The following RARB variants were observed in gnomAD, a reference collection of about 807,000 sequenced individuals.
The protein encoded by RARB is retinoic acid receptor beta.
A neutral mutation model predicts 51.9 loss-of-function variants in RARB; 17 were observed. That is an observed-to-expected ratio of 0.33 (90% CI 0.22 to 0.49). RARB has a LOEUF of 0.49. Ranked by LOEUF, RARB falls within the 20% of genes least tolerant of loss-of-function variation. RARB has a pLI of 0.99. For synonymous variants in RARB, 215 were observed against 195.4 expected, an observed-to-expected ratio of 1.10 and a Z score of -0.84; for missense variants, 369 against 550.8, an observed-to-expected ratio of 0.67 and a Z score of 3.30.
intron 4 of RARB, among the ~76,000 whole-genome samples, chr3:25,134,633 GAA>G (rs1559478885): frequency 6.6e-6 from 1 of 151,868 alleles, no homozygotes; most frequent in Non-Finnish European, 1.5e-5. Flanking sequence ...TTAGTTCCCT[GAA>G]AACTTGATTC....
chr3:25,122,570 G>C (rs967536495), intron 3 of RARB, among the ~76,000 whole-genome samples: 4 of 152,132 alleles, frequency 2.6e-5, no homozygotes, highest in African/African-American at 9.7e-5. Flanking sequence ...GCAAGGGACA[G>C]GAAAGTATGA....
At chr3:25,388,129 C>T (rs1047227451) in intron 5 of RARB, among the ~76,000 whole-genome samples, 1 of 152,152 alleles carries the variant, frequency 6.6e-6, no homozygotes, top group Non-Finnish European at 1.5e-5. Context: ...ATAATTAACT[C>T]AGACTATTTT....
intron 2 of RARB, among the ~76,000 whole-genome samples, chr3:24,868,387 T>C (rs772434453): frequency 6.6e-6 from 1 of 152,168 alleles, no homozygotes; most frequent in Non-Finnish European, 1.5e-5. Flanking sequence ...AGTGAATTCT[T>C]TTCAAAATAC....
At chr3:25,115,530 G>T (rs1370221677) in intron 3 of RARB, among the ~76,000 whole-genome samples, 5 of 151,958 alleles carry the variant, frequency 3.3e-5, no homozygotes, top group African/African-American at 1.2e-4. Flanking sequence ...TTCAGTTTTT[G>T]TCTCTTCTTT....
At chr3:25,200,460 G>C (rs1701361528) in intron 5 of RARB, among the ~76,000 whole-genome samples, 1 of 152,090 alleles carries the variant, frequency 6.6e-6, no homozygotes, top group East Asian at 1.9e-4. Context: ...GATCCCATTT[G>C]TCAATTTTGG....
chr3:25,354,338 G>A (rs886160201), intron 5 of RARB, among the ~76,000 whole-genome samples: 9 of 152,020 alleles, frequency 5.9e-5, no homozygotes, highest in African/African-American at 2.2e-4. Flanking sequence ...TTTATAGGAT[G>A]CTAAATCAGG....
intron 2 of RARB, among the ~76,000 whole-genome samples, chr3:25,044,800 A>G (rs1698180936): frequency 6.6e-6 from 1 of 152,232 alleles, no homozygotes. Flanking sequence ...ATTAGGACCT[A>G]CAGGATAAAA....
chr3:24,957,619 C>T (rs1696044708), intron 2 of RARB, among the ~76,000 whole-genome samples: 2 of 152,188 alleles, frequency 1.3e-5, no homozygotes, highest in Admixed American at 6.5e-5. Context: ...TGCTTTGAGC[C>T]TTAAAACTAT....
intron 3 of RARB, among the ~76,000 whole-genome samples, chr3:25,131,501 T>A (rs995104207): frequency 3.3e-5 from 5 of 152,072 alleles, no homozygotes; most frequent in Admixed American, 6.6e-5. Flanking sequence ...TGGCAGTGTT[T>A]ATGTTGCATG....
chr3:25,127,101 C>G (rs765065892), intron 3 of RARB, among the ~76,000 whole-genome samples: 2 of 152,162 alleles, frequency 1.3e-5, no homozygotes, highest in Non-Finnish European at 2.9e-5. Flanking sequence ...TTACCTCCTA[C>G]CTGTACTATT....
At chr3:24,895,640 G>T (rs1470731245) in intron 2 of RARB, among the ~76,000 whole-genome samples, 1 of 149,022 alleles carries the variant, frequency 6.7e-6, no homozygotes, top group Admixed American at 6.7e-5. Context: ...TTGAGAAGGA[G>T]TCTCGCTCTT....
intron 5 of RARB, among the ~76,000 whole-genome samples, chr3:25,333,119 T>G (rs1188925627): frequency 6.6e-6 from 1 of 152,144 alleles, no homozygotes; most frequent in Non-Finnish European, 1.5e-5. Context: ...ATTTATAGAT[T>G]CAATGCCATC....
intron 5 of RARB, among the ~76,000 whole-genome samples, chr3:25,348,480 A>G (rs1457530082): frequency 6.7e-6 from 1 of 149,214 alleles, no homozygotes; most frequent in Non-Finnish European, 1.5e-5. Context: ...CCGCTTGGCC[A>G]TTTGAGACAG....
At chr3:24,860,489 C>A (rs370347775) in intron 2 of RARB, among the ~76,000 whole-genome samples, 10 of 152,090 alleles carry the variant, frequency 6.6e-5, no homozygotes, top group Non-Finnish European at 5.9e-5. Flanking sequence ...TTCAAACACA[C>A]GGCAAGAGTT....
chr3:25,328,999 C>T (rs1448825701), intron 5 of RARB, among the ~76,000 whole-genome samples: 2 of 152,178 alleles, frequency 1.3e-5, no homozygotes, highest in African/African-American at 4.8e-5. Context: ...ATTGCTGAGG[C>T]TTGAGTAGGT....
intron 2 of RARB, among the ~76,000 whole-genome samples, chr3:25,046,178 C>T (rs17015676): frequency 0.011 from 1,741 of 152,232 alleles, 37 homozygotes; most frequent in African/African-American, 0.038. Context: ...AGAAAAAAAC[C>T]GCTGGGCCTG....
At chr3:25,009,070 T>A (rs966278572) in intron 2 of RARB, among the ~76,000 whole-genome samples, 1 of 152,122 alleles carries the variant, frequency 6.6e-6, no homozygotes, top group African/African-American at 2.4e-5. Flanking sequence ...TCTAAATCAG[T>A]CCCTTCTAAT....
intron 5 of RARB, among the ~76,000 whole-genome samples, chr3:25,227,016 C>G (rs1575234761): frequency 6.6e-6 from 1 of 152,196 alleles, no homozygotes; most frequent in South Asian, 2.1e-4. Context: ...ATCCCATTTA[C>G]TCTACTTACT....
intron 7 of RARB, among the ~76,000 whole-genome samples, chr3:25,596,139 G>A (rs1003195294): frequency 5.9e-5 from 9 of 152,172 alleles, no homozygotes; most frequent in Non-Finnish European, 1.3e-4. Context: ...AGTCTGAGCT[G>A]GTTGAGAACC....
Sources: gnomAD v4.1 joint callset for allele counts (sites outside exome capture counted in the v4.1 genomes callset) on GRCh38, gnomAD v4.1.1 for gene constraint, MANE v1.5 for transcripts, NCBI Gene and HGNC (gene_info 2026-07-23, HGNC 2026-07-21) for gene names.